The following ADGRB3 variants were observed in gnomAD, a reference collection of about 807,000 sequenced individuals.
The protein encoded by ADGRB3 is brain-specific angiogenesis inhibitor 3.
ADGRB3 carries 37 observed loss-of-function variants against 193.4 expected under a neutral mutation model. That is an observed-to-expected ratio of 0.19 (90% CI 0.15 to 0.25). The LOEUF (loss-of-function observed/expected upper bound fraction) is 0.25, where lower values mean the gene tolerates loss of function less well. Among genes scored for constraint, ADGRB3 ranks in the 10% least tolerant of loss-of-function variants. The pLI is 1.00. For synonymous variants in ADGRB3, 690 were observed against 644.2 expected (o/e 1.07, Z -1.08); for missense variants, 1,637 against 1,852.9 (o/e 0.88, Z 2.14).
chr6:68,916,223 A>T (rs1042520719), intron 3 of ADGRB3, among the ~76,000 whole-genome samples: 1 of 152,196 alleles, frequency 6.6e-6, no homozygotes, highest in African/African-American at 2.4e-5. Context: ...ACTACTAAAA[A>T]TTAAACATAC....
chr6:68,791,521 A>T (rs1767107849), intron 3 of ADGRB3, among the ~76,000 whole-genome samples: 1 of 152,140 alleles, frequency 6.6e-6, no homozygotes, highest in African/African-American at 2.4e-5. Context: ...TGGGAAAAAA[A>T]AATTCGGTGC....
chr6:68,979,500 A>T (rs1192003037), intron 10 of ADGRB3, among the ~76,000 whole-genome samples: 1 of 151,576 alleles, frequency 6.6e-6, no homozygotes, highest in Non-Finnish European at 1.5e-5. Flanking sequence ...GTTGTTTTTT[A>T]AAAAAGACAC....
chr6:69,240,993 A>C (rs1766372175), intron 20 of ADGRB3, among the ~76,000 whole-genome samples: 2 of 151,876 alleles, frequency 1.3e-5, no homozygotes, highest in Admixed American at 1.3e-4. Flanking sequence ...CTTTTCTGCC[A>C]TTTTTTACTC....
intron 17 of ADGRB3, among the ~76,000 whole-genome samples, chr6:69,228,736 A>C (rs1582561231): frequency 6.6e-6 from 1 of 152,170 alleles, no homozygotes; most frequent in South Asian, 2.1e-4. Context: ...AGATCTTTAA[A>C]TCTTCTTATA....
At chr6:69,233,030 A>G (rs1239499548) in intron 17 of ADGRB3, 5 of 509,534 alleles carry the variant, frequency 9.8e-6, no homozygotes. Context: ...GGCTGGACAG[A>G]GCTAGTCCCG....
chr6:68,918,200 T>C (rs1345918575), intron 3 of ADGRB3, among the ~76,000 whole-genome samples: 2 of 152,158 alleles, frequency 1.3e-5, no homozygotes, highest in Admixed American at 6.6e-5. Flanking sequence ...GGATAATTAG[T>C]GCTAATGTCT....
chr6:69,256,259 T>C (rs1766768147), intron 20 of ADGRB3, among the ~76,000 whole-genome samples: 1 of 151,986 alleles, frequency 6.6e-6, no homozygotes, highest in Non-Finnish European at 1.5e-5. Flanking sequence ...GGTAGCTTGA[T>C]GGGGATGGCA....
chr6:68,751,375 A>C (rs1766195155), intron 3 of ADGRB3, among the ~76,000 whole-genome samples: 1 of 152,190 alleles, frequency 6.6e-6, no homozygotes, highest in South Asian at 2.1e-4. Flanking sequence ...CACTGTCCTT[A>C]ATATGCTGAG....
chr6:69,041,271 T>C (rs181730921), intron 13 of ADGRB3, among the ~76,000 whole-genome samples: 4 of 152,308 alleles, frequency 2.6e-5, no homozygotes, highest in Admixed American at 6.5e-5. Flanking sequence ...ATGTTTCTTA[T>C]AGATCACTGT....
chr6:69,253,218 T>A (rs1412296643), intron 20 of ADGRB3, among the ~76,000 whole-genome samples: 1 of 152,082 alleles, frequency 6.6e-6, no homozygotes, highest in Non-Finnish European at 1.5e-5. Flanking sequence ...GAGCTTGAGT[T>A]CTCTAACTTC....
intron 26 of ADGRB3, among the ~76,000 whole-genome samples, chr6:69,353,082 A>G (rs371883262): frequency 6.5e-4 from 99 of 152,326 alleles, no homozygotes; most frequent in African/African-American, 2.3e-3. Flanking sequence ...GTCCATCAAC[A>G]GCTCGTGGGG....
At chr6:68,721,106 C>T (rs1765568115) in intron 3 of ADGRB3, among the ~76,000 whole-genome samples, 1 of 151,712 alleles carries the variant, frequency 6.6e-6, no homozygotes, top group Non-Finnish European at 1.5e-5. Context: ...TACCATTTGA[C>T]CCAGCCATTC....
chr6:68,648,818 G>A (rs1353937856), intron 3 of ADGRB3, among the ~76,000 whole-genome samples: 1 of 149,962 alleles, frequency 6.7e-6, no homozygotes, highest in Non-Finnish European at 1.5e-5. Flanking sequence ...CTATATTTAT[G>A]TACCTAAACA....
intron 18 of ADGRB3, among the ~76,000 whole-genome samples, chr6:69,233,718 C>T (rs1766202692): frequency 6.6e-6 from 1 of 152,076 alleles, no homozygotes; most frequent in Non-Finnish European, 1.5e-5. Flanking sequence ...GTCAACTTAA[C>T]CTTTATTTTA....
intron 29 of ADGRB3, among the ~76,000 whole-genome samples, chr6:69,369,436 G>T (rs929194799): frequency 6.6e-6 from 1 of 152,042 alleles, no homozygotes; most frequent in East Asian, 1.9e-4. Context: ...GGAGCCTCAC[G>T]CCTGTAATCT....
At chr6:69,036,598 A>G (rs1483013242) in intron 13 of ADGRB3, among the ~76,000 whole-genome samples, 1 of 152,146 alleles carries the variant, frequency 6.6e-6, no homozygotes, top group Non-Finnish European at 1.5e-5. Context: ...AAATTACATA[A>G]TAGAGAGAAA....
chr6:68,927,866 T>C (rs1378331173), intron 3 of ADGRB3, among the ~76,000 whole-genome samples: 2 of 152,162 alleles, frequency 1.3e-5, no homozygotes, highest in Non-Finnish European at 2.9e-5. Context: ...ATACATTATA[T>C]TGTTGTACAA....
chr6:69,235,478 G>T (rs1016119584), intron 19 of ADGRB3, among the ~76,000 whole-genome samples: 5 of 151,974 alleles, frequency 3.3e-5, no homozygotes, highest in African/African-American at 7.2e-5. Flanking sequence ...TGCTATGGAG[G>T]CTGTGAGTCT....
At chr6:69,134,137 CA>C (rs770079479) in intron 17 of ADGRB3, among the ~76,000 whole-genome samples, 23 of 152,126 alleles carry the variant, frequency 1.5e-4, no homozygotes, top group Non-Finnish European at 2.6e-4. Context: ...AATTGCAGCA[CA>C]AGGATTTAAA....
Sources: gnomAD v4.1 joint callset for allele counts (sites outside exome capture counted in the v4.1 genomes callset) on GRCh38, gnomAD v4.1.1 for gene constraint, MANE v1.5 for transcripts, NCBI Gene and HGNC (gene_info 2026-07-23, HGNC 2026-07-21) for gene names.